Variants in OVCH1 observed in about 807,000 individuals in gnomAD.
The protein encoded by OVCH1 is ovochymase-1.
A neutral mutation model predicts 138.4 loss-of-function variants in OVCH1; 139 were observed. The ratio of observed to expected loss-of-function variants is 1.00; its 90% confidence interval spans 0.87 to 1.16. OVCH1 has a LOEUF of 1.16. Ranked by LOEUF, OVCH1 falls within the 50% of genes most tolerant of loss-of-function variation. The pLI, the probability that OVCH1 is intolerant of heterozygous loss-of-function variation, is 0.00. For missense variants in OVCH1, 1,367 were observed against 1,357.9 expected (o/e 1.01, Z -0.11); for synonymous variants, 453 against 467.8 (o/e 0.97, Z 0.41).
At chr12:29,415,654 AAG>A (rs1282510648) in intron 3 of OVCH1, among the ~76,000 whole-genome samples, 4 of 152,206 alleles carry the variant, frequency 2.6e-5, no homozygotes, top group African/African-American at 9.6e-5. Context: ...ATGGAAATCA[AAG>A]AAGATCTAAA....
At position 29,418,359 on chromosome 12, in the gene OVCH1, C is replaced by T. The variant is rs1565561598; in HGVS notation, c.*71+4768G>A. ...AATTCCTAAGTATTTGGAGTAACTT[C>T]ATAGGAAAAGAATCAAAATTAAAAA... On this transcript the variant is annotated intron_variant and NMD_transcript_variant, in intron 3 of 4. Transcript: ENST00000539117. Among the ~76,000 whole-genome samples the T allele has an allele frequency of 1.3e-5, 2 of 152,152 alleles. 1 individual carries two copies. The highest frequency in any genetic ancestry group is 3.8e-4 in the East Asian group (2 of 5,198).
At chr12:29,451,514 C>A (rs1941794643) in exon 22 of OVCH1, 1 of 1,613,162 alleles carries the variant, frequency 6.2e-7, no homozygotes, top group African/African-American at 1.3e-5. Flanking sequence ...CCAGTAGATA[C>A]CGTGGTGTGG....
exon 21 of OVCH1, chr12:29,454,931 G>C (rs767218831): frequency 6.2e-7 from 1 of 1,607,336 alleles, no homozygotes; most frequent in East Asian, 2.2e-5. Context: ...AGTGAAGCAG[G>C]ACCTGTATTT....
downstream of OVCH1, chr12:29,423,270 A>C (rs1234228673): frequency 1.1e-5 from 5 of 455,870 alleles, no homozygotes; most frequent in Admixed American, 1.2e-4. Flanking sequence ...ATATCAAGAT[A>C]AACTCTTTCT....
chr12:29,407,648 T>G (rs897991248), downstream of OVCH1, among the ~76,000 whole-genome samples: 13 of 152,176 alleles, frequency 8.5e-5, no homozygotes, highest in Admixed American at 4.6e-4. Context: ...AGGGCTCTGT[T>G]CTGTTCCATT....
chr12:29,476,297 C>T (rs758838955), exon 13 of OVCH1: 1 of 1,609,224 alleles, frequency 6.2e-7, no homozygotes, highest in Non-Finnish European at 8.5e-7. Flanking sequence ...CCTCAAATGT[C>T]AACTGTGCAA....
intron 16 of OVCH1, among the ~76,000 whole-genome samples, chr12:29,470,243 T>A (rs1178074551): frequency 3.3e-5 from 5 of 152,176 alleles, no homozygotes; most frequent in African/African-American, 1.2e-4. Flanking sequence ...AATTTTAAGT[T>A]CTGGGATACA....
intron 21 of OVCH1, 101 bp from the exon 22 acceptor site, chr12:29,451,670 A>T: frequency 4.6e-6 from 4 of 876,010 alleles, no homozygotes; most frequent in Non-Finnish European, 6.9e-6. Context: ...GCAAGGAGAA[A>T]ATTAAGACTT....
intron 2 of OVCH1, 118 bp downstream of exon 2, chr12:29,496,438 T>G: frequency 1.8e-6 from 2 of 1,122,068 alleles, no homozygotes; most frequent in Non-Finnish European, 2.5e-6. Context: ...AACTTTTTGG[T>G]AGAGAGCTAG....
At position 29,476,220 on chromosome 12, in the gene OVCH1, TC is replaced by T; in HGVS notation, c.1456del (p.Glu486LysfsTer5). 6.2e-7 allele frequency: 1 copy of T among 1,612,910 alleles called. No individual in the cohort carries two copies. Among genetic ancestry groups the T allele is most frequent in the Non-Finnish European group, 8.5e-7 (1 of 1,178,910 alleles). Reference sequence around the variant, plus strand: ...AGTCTACCTACCTAACTTGTGCTTTTCTTCAGAATCACCGTAAATCACAACA... The same window carrying T: ...AGTCTACCTACCTAACTTGTGCTTTTTTCAGAATCACCGTAAATCACAACA... On this transcript the variant is annotated frameshift_variant, in exon 13 of 28. Coordinates refer to ENST00000318184, the Ensembl canonical transcript of OVCH1. LOFTEE classifies it high-confidence loss of function.
At chr12:29,471,837 T>G in exon 16 of OVCH1, 2 of 1,612,698 alleles carry the variant, frequency 1.2e-6, no homozygotes, top group Non-Finnish European at 1.7e-6. Flanking sequence ...GAATCCACAC[T>G]GGGTTGATGA....
At chr12:29,412,923 C>T (rs1289780846) in intron 3 of OVCH1, among the ~76,000 whole-genome samples, 1 of 152,140 alleles carries the variant, frequency 6.6e-6, no homozygotes, top group Non-Finnish European at 1.5e-5. Flanking sequence ...TAGTAGCTCA[C>T]TGTAGACTCT....
Position 29,485,635 on chromosome 12 carries a change from G to A in OVCH1, c.995+611C>T, listed in dbSNP as rs548248171. ...TAAAAATGCAAAAAATTAGCCGGGC[G>A]TGGTGGCATGTGCCTGCCTGTACCC... is the stretch of plus-strand genomic sequence containing the variant. On this transcript the variant is annotated intron_variant, in intron 8 of 27. Coordinates refer to ENST00000318184, the Ensembl canonical transcript of OVCH1. 2.4e-3 allele frequency among the ~76,000 whole-genome samples: 367 copies of A among 152,190 alleles called. 2 individuals carry two copies. Among genetic ancestry groups the A allele is most frequent in the African/African-American group, 8.2e-3 (341 of 41,534 alleles).
Position 29,444,169 on chromosome 12 carries a change from C to T in OVCH1, c.2993G>A (p.Arg998Lys), listed in dbSNP as rs1421746884. ...CCCCATAGTAGTTCTGTGAGAATTT[C>T]TTGGGATCTGCATGATCCCTTCTGG... Residue 998 changes from arginine (R) to lysine (K), a missense_variant, in exon 24 of 28, where the codon AGA (arginine) becomes AAA (lysine). Arg to Lys is a conservative substitution (Grantham distance 26). Coordinates refer to ENST00000318184, the Ensembl canonical transcript of OVCH1. 5.6e-6 allele frequency: 9 copies of T among 1,608,500 alleles called. No homozygotes were observed. The South Asian group carries it at 1.0e-4, about 18-fold the overall frequency.
chr12:29,491,973 C>T (rs1401628231), intron 4 of OVCH1, among the ~76,000 whole-genome samples: 3 of 152,076 alleles, frequency 2.0e-5, no homozygotes, highest in African/African-American at 7.2e-5. Flanking sequence ...TTGGTAGAAC[C>T]TCATGAGTGT....
intron 4 of OVCH1, among the ~76,000 whole-genome samples, chr12:29,494,802 G>A (rs1443063728): frequency 6.6e-6 from 1 of 152,116 alleles, no homozygotes; most frequent in Admixed American, 6.5e-5. Context: ...GTGGCTATGA[G>A]AGGCAGGAAA....
At position 29,420,662 on chromosome 12, in the gene OVCH1, C is replaced by T. The variant is rs375616900; in HGVS notation, c.*71+2465G>A. Among the ~76,000 whole-genome samples the T allele has an allele frequency of 2.7e-4, 7 of 25,868 alleles. 1 individual carries two copies. Among genetic ancestry groups the T allele is most frequent in the African/African-American group, 9.3e-4 (7 of 7,560 alleles). 17.0% of individuals were successfully genotyped at this position (25,868 alleles called of 152,430 possible). A position where few individuals can be genotyped will look rare whatever the true frequency, so the allele number is the denominator to read the frequency against. ...CCTCCCGAGTAGCTGGGACTACAGG[C>T]GCCCGCCACCGCGCCCGGCTAATTT... On this transcript the variant is annotated intron_variant and NMD_transcript_variant, in intron 3 of 4. Transcript: ENST00000539117.
intron 7 of OVCH1, 45 bp from the exon 8 acceptor site, chr12:29,486,393 T>A (rs1943108172): frequency 2.1e-6 from 3 of 1,396,394 alleles, no homozygotes; most frequent in Non-Finnish European, 3.0e-6. Context: ...ATAATAATCA[T>A]TTAAATAAAA....
the OVCH1 span, among the ~76,000 whole-genome samples, chr12:29,406,358 G>A: frequency 6.6e-6 from 1 of 151,996 alleles, no homozygotes; most frequent in Non-Finnish European, 1.5e-5. Context: ...TGTGCACAAT[G>A]TGCAGGTTAA....
Sources: gnomAD v4.1 joint callset for allele counts (sites outside exome capture counted in the v4.1 genomes callset) on GRCh38, gnomAD v4.1.1 for gene constraint, MANE v1.5 for transcripts, NCBI Gene and HGNC (gene_info 2026-07-23, HGNC 2026-07-21) for gene names.